CPNE8: variants seen among roughly 807,000 people sequenced by gnomAD.
CPNE8 encodes copine 8.
A neutral mutation model predicts 81.5 loss-of-function variants in CPNE8; 45 were observed. The observed-to-expected ratio is 0.55, with a 90% CI of 0.44 to 0.71. The LOEUF (loss-of-function observed/expected upper bound fraction) is 0.71. Among genes scored for constraint, CPNE8 ranks in the 30% least tolerant of loss-of-function variants. CPNE8 has a pLI of 0.00. For synonymous variants in CPNE8, 252 were observed against 226.3 expected, an observed-to-expected ratio of 1.11 and a Z score of -1.02; for missense variants, 594 against 672.1, an observed-to-expected ratio of 0.88 and a Z score of 1.28.
intron 18 of CPNE8, among the ~76,000 whole-genome samples, chr12:38,673,947 G>GTT (rs1222321718): frequency 6.6e-6 from 1 of 152,046 alleles, no homozygotes; most frequent in African/African-American, 2.4e-5. Context: ...GAGGGAAAAA[G>GTT]TAATGGGAAT....
chr12:38,708,155 T>C (rs999049644), intron 13 of CPNE8, among the ~76,000 whole-genome samples: 3 of 152,226 alleles, frequency 2.0e-5, no homozygotes, highest in Non-Finnish European at 2.9e-5. Flanking sequence ...TGTCATATTC[T>C]ATGTATTTAG....
At chr12:38,758,884 C>T (rs925514808) in intron 10 of CPNE8, among the ~76,000 whole-genome samples, 1 of 152,144 alleles carries the variant, frequency 6.6e-6, no homozygotes, top group African/African-American at 2.4e-5. Context: ...AGAAACTCAT[C>T]ATTTGAAGGA....
chr12:38,768,488 T>C (rs1198962076), intron 7 of CPNE8, among the ~76,000 whole-genome samples: 1 of 151,966 alleles, frequency 6.6e-6, no homozygotes, highest in Non-Finnish European at 1.5e-5. Context: ...AAATAAATAG[T>C]TTTGTGGGGT....
chr12:38,845,571 C>T (rs1372138903), intron 4 of CPNE8, among the ~76,000 whole-genome samples: 1 of 151,298 alleles, frequency 6.6e-6, no homozygotes, highest in Non-Finnish European at 1.5e-5. Context: ...TAACACATTG[C>T]TAAGAATTTT....
intron 3 of CPNE8, among the ~76,000 whole-genome samples, chr12:38,861,868 G>A (rs1213736519): frequency 6.6e-6 from 1 of 151,790 alleles, no homozygotes; most frequent in Non-Finnish European, 1.5e-5. Context: ...GAGTAGTGGT[G>A]AGCATTACTT....
At chr12:38,680,594 C>T (rs1592005699) in intron 16 of CPNE8, among the ~76,000 whole-genome samples, 1 of 151,942 alleles carries the variant, frequency 6.6e-6, no homozygotes, top group African/African-American at 2.4e-5. Flanking sequence ...TGAATTTTAG[C>T]TCTACCACAA....
In CPNE8 at chr12:38,677,438, T is replaced by C. The variant is rs1198229087; in HGVS notation, c.1374+14A>G. On this transcript the variant is annotated intron_variant, in intron 17 of 19. Coordinates refer to ENST00000331366, the MANE Select transcript of CPNE8 (RefSeq NM_153634.3). ...GTCACGTAGCGAGCCCAATACGGAG[T>C]GACCCCCACTTACATTAACTATGGA... The C allele has an allele frequency of 1.4e-6, 2 of 1,427,452 alleles. No homozygotes were observed. Among genetic ancestry groups the C allele is most frequent in the East Asian group, 2.3e-5 (1 of 43,866 alleles). The allele number at this position is 1,427,452 out of a possible 1,614,324, so 88.4% of individuals were successfully genotyped here. A position where few individuals can be genotyped will look rare whatever the true frequency, so the allele number is the denominator to read the frequency against.
intron 1 of CPNE8, among the ~76,000 whole-genome samples, chr12:38,904,607 T>C (rs913216245): frequency 6.6e-6 from 1 of 151,932 alleles, no homozygotes; most frequent in Non-Finnish European, 1.5e-5. Flanking sequence ...TAGCTGGGAC[T>C]ACAGGCGCGT....
intron 13 of CPNE8, among the ~76,000 whole-genome samples, chr12:38,708,398 A>G (rs890990785): frequency 7.2e-5 from 11 of 152,066 alleles, no homozygotes; most frequent in African/African-American, 1.9e-4. Flanking sequence ...CCAAATTTAT[A>G]TAAGATTACT....
Position 38,653,392 on chromosome 12 carries a change from C to T in CPNE8, c.*490G>A, listed in dbSNP as rs1190431313. 3 of 152,538 alleles carry T rather than the reference C, an allele frequency of 2.0e-5. No homozygotes were observed. The highest frequency in any genetic ancestry group is 4.4e-5 in the Non-Finnish European group (3 of 68,036). 9.4% of individuals were successfully genotyped at this position (152,538 alleles called of 1,614,324 possible). ...CAGACAGTCATTCAAAGAGATATTG[C>T]TCTTGTGATTATAGCTATTGCAATT... On this transcript the variant is annotated 3_prime_UTR_variant, in exon 20 of 20. Transcript: ENST00000331366.
intron 13 of CPNE8, among the ~76,000 whole-genome samples, chr12:38,718,828 G>A (rs1940476372): frequency 6.6e-6 from 1 of 152,024 alleles, no homozygotes; most frequent in Non-Finnish European, 1.5e-5. Context: ...GTACTAACAG[G>A]AAATTTTTAA....
intron 1 of CPNE8, among the ~76,000 whole-genome samples, chr12:38,891,716 G>A (rs1411645613): frequency 6.6e-6 from 1 of 152,100 alleles, no homozygotes; most frequent in African/African-American, 2.4e-5. Flanking sequence ...CAAAGTGCTG[G>A]GATTACAGGC....
chr12:38,805,599 C>T (rs1489778191), intron 6 of CPNE8, among the ~76,000 whole-genome samples: 1 of 95,566 alleles, frequency 1.0e-5, no homozygotes, highest in South Asian at 4.7e-4. Context: ...CAGCATGGCA[C>T]ATGTATACAT....
At position 38,748,102 on chromosome 12, in the gene CPNE8, C is replaced by T. The variant is rs548188995; in HGVS notation, c.722+12745G>A. Among the ~76,000 whole-genome samples the T allele has an allele frequency of 2.0e-5, 3 of 152,104 alleles. No individual in the cohort carries two copies. In the South Asian group the frequency reaches 6.2e-4, roughly 32 times the overall value. ...CTCGGCTCACTTAAACCTCCGCTTC[C>T]CAGGCTTAAGCGATTCTCCTGCCTC... On this transcript the variant is annotated intron_variant, in intron 10 of 19. Coordinates refer to ENST00000331366, the MANE Select transcript of CPNE8 (RefSeq NM_153634.3).
chr12:38,655,111 G>A (rs983194308), intron 19 of CPNE8, among the ~76,000 whole-genome samples: 2 of 151,994 alleles, frequency 1.3e-5, no homozygotes, highest in Admixed American at 6.6e-5. Flanking sequence ...CATATATTAG[G>A]TTGGAACAAA....
At chr12:38,779,999 A>C (rs1257102393) in intron 6 of CPNE8, among the ~76,000 whole-genome samples, 1 of 152,114 alleles carries the variant, frequency 6.6e-6, no homozygotes, top group Non-Finnish European at 1.5e-5. Flanking sequence ...GCCAATGTCC[A>C]GGCACTTTTC....
chr12:38,816,578 A>G (rs1943028123), intron 6 of CPNE8, among the ~76,000 whole-genome samples: 3 of 152,212 alleles, frequency 2.0e-5, no homozygotes, highest in Admixed American at 1.3e-4. Flanking sequence ...TGGTAATTTA[A>G]AACAAACAAA....
At chr12:38,777,627 G>A (rs1419746504) in intron 6 of CPNE8, among the ~76,000 whole-genome samples, 1 of 152,062 alleles carries the variant, frequency 6.6e-6, no homozygotes. Flanking sequence ...ACCCTACACA[G>A]GTATACCATT....
intron 6 of CPNE8, among the ~76,000 whole-genome samples, chr12:38,822,467 C>T (rs1331491932): frequency 6.6e-6 from 1 of 152,122 alleles, no homozygotes; most frequent in Non-Finnish European, 1.5e-5. Context: ...AGGAAAGATA[C>T]TGGCTATTTT....
Sources: allele counts gnomAD v4.1 joint callset (sites outside exome capture counted in the v4.1 genomes callset), GRCh38; gene constraint gnomAD v4.1.1; transcripts MANE v1.5; gene names NCBI Gene and HGNC (gene_info 2026-07-23, HGNC 2026-07-21).